Variants in C1orf21 observed in about 807,000 individuals in gnomAD.
C1orf21 encodes the protein uncharacterized protein C1orf21.
Under a neutral mutation model 18.7 loss-of-function variants are expected in C1orf21, and 3 were observed. That is an observed-to-expected ratio of 0.16 (90% CI 0.07 to 0.42). C1orf21 has a LOEUF of 0.42. C1orf21 is among the 10% of genes least tolerant of loss of function. The pLI is 0.99. For missense variants in C1orf21, 104 were observed against 143.6 expected, an observed-to-expected ratio of 0.72 and a Z score of 1.41; for synonymous variants, 41 against 46.4, an observed-to-expected ratio of 0.88 and a Z score of 0.47.
At chr1:184,531,984 T>A (rs1658468728) in intron 3 of C1orf21, among the ~76,000 whole-genome samples, 1 of 152,130 alleles carries the variant, frequency 6.6e-6, no homozygotes, top group Non-Finnish European at 1.5e-5. Context: ...CAATTCTTAT[T>A]ATTTGTGTTG....
intron 3 of C1orf21, among the ~76,000 whole-genome samples, chr1:184,509,442 G>A (rs1458877641): frequency 6.6e-6 from 1 of 152,182 alleles, no homozygotes; most frequent in Non-Finnish European, 1.5e-5. Context: ...CAGGATCCCA[G>A]TACACTTCAA....
At chr1:184,395,708 T>G (rs181261563) in intron 1 of C1orf21, among the ~76,000 whole-genome samples, 1 of 152,268 alleles carries the variant, frequency 6.6e-6, no homozygotes, top group East Asian at 1.9e-4. Flanking sequence ...CCAGTTTCCC[T>G]GGGGCAGTCC....
chr1:184,409,635 A>G (rs955394869), intron 1 of C1orf21, among the ~76,000 whole-genome samples: 1 of 152,194 alleles, frequency 6.6e-6, no homozygotes, highest in Non-Finnish European at 1.5e-5. Context: ...GTCCTGCCTC[A>G]TTTGTAGCTC....
intron 3 of C1orf21, among the ~76,000 whole-genome samples, chr1:184,564,244 A>G (rs916307714): frequency 6.6e-6 from 1 of 152,208 alleles, no homozygotes; most frequent in Admixed American, 6.5e-5. Flanking sequence ...CCTAGACTGG[A>G]CTAGGTAGAA....
At chr1:184,521,430 G>T (rs1200280783) in intron 3 of C1orf21, among the ~76,000 whole-genome samples, 2 of 151,970 alleles carry the variant, frequency 1.3e-5, no homozygotes, top group Non-Finnish European at 2.9e-5. Flanking sequence ...CCAGACAATG[G>T]AATATTACTT....
intron 1 of C1orf21, among the ~76,000 whole-genome samples, chr1:184,424,864 A>C (rs1183332903): frequency 6.6e-6 from 1 of 152,170 alleles, no homozygotes; most frequent in Non-Finnish European, 1.5e-5. Flanking sequence ...CTCCAACTGT[A>C]GTGAAGATAC....
At chr1:184,607,710 T>C (rs1200808956) in intron 5 of C1orf21, among the ~76,000 whole-genome samples, 2 of 149,446 alleles carry the variant, frequency 1.3e-5, no homozygotes, top group Non-Finnish European at 3.0e-5. Flanking sequence ...TATATACACA[T>C]ATATGTGTGT....
intron 1 of C1orf21, among the ~76,000 whole-genome samples, chr1:184,425,828 T>C (rs555159338): frequency 1.3e-5 from 2 of 152,386 alleles, no homozygotes; most frequent in South Asian, 2.1e-4. Flanking sequence ...AGCACTGATA[T>C]AGACCTTATC....
Position 184,556,599 on chromosome 1 carries a change from A to G in C1orf21, c.190-34140A>G, listed in dbSNP as rs541996252. On this transcript the variant is annotated intron_variant, in intron 3 of 5. Transcript: ENST00000235307. ...TATTTTTTCAGATTTATGTGGTCAAATAATGATTTTAAATAGAAAATCTTA... is the reference window on the plus strand; with the variant it reads ...TATTTTTTCAGATTTATGTGGTCAAGTAATGATTTTAAATAGAAAATCTTA... Among the ~76,000 whole-genome samples the G allele has an allele frequency of 2.4e-3, 361 of 152,358 alleles. 1 individual carries two copies. The highest frequency in any genetic ancestry group is 6.8e-3 in the Middle Eastern group (2 of 294).
chr1:184,466,240 T>C (rs953802301), intron 1 of C1orf21, among the ~76,000 whole-genome samples: 18 of 152,242 alleles, frequency 1.2e-4, no homozygotes, highest in African/African-American at 4.1e-4. Context: ...AAGAGCATCT[T>C]GCCCTCACTT....
At chr1:184,535,743 C>T (rs149615884) in intron 3 of C1orf21, among the ~76,000 whole-genome samples, 13 of 152,262 alleles carry the variant, frequency 8.5e-5, no homozygotes, top group African/African-American at 3.1e-4. Context: ...GTTCCCATCA[C>T]GTTTGAAGGC....
At chr1:184,615,022 C>T (rs542285240) in intron 5 of C1orf21, among the ~76,000 whole-genome samples, 2 of 152,312 alleles carry the variant, frequency 1.3e-5, no homozygotes, top group Admixed American at 1.3e-4. Flanking sequence ...GTACGTTAGG[C>T]ACATTGGAGG....
chr1:184,616,095 G>A (rs1023914935), intron 5 of C1orf21, among the ~76,000 whole-genome samples: 1 of 152,104 alleles, frequency 6.6e-6, no homozygotes, highest in East Asian at 1.9e-4. Flanking sequence ...CAAGGTAATC[G>A]CCTCTGGTAA....
At chr1:184,405,733 C>G (rs1478533531) in intron 1 of C1orf21, among the ~76,000 whole-genome samples, 1 of 152,154 alleles carries the variant, frequency 6.6e-6, no homozygotes, top group Non-Finnish European at 1.5e-5. Flanking sequence ...TCTGTCTATT[C>G]CTCTTTAGAT....
intron 5 of C1orf21, among the ~76,000 whole-genome samples, chr1:184,601,650 C>T (rs1436989583): frequency 6.6e-6 from 1 of 152,148 alleles, no homozygotes; most frequent in Non-Finnish European, 1.5e-5. Context: ...CACCTGTAAT[C>T]CCAGCACTTT....
chr1:184,513,779 AAATT>A (rs1313631403), intron 3 of C1orf21, among the ~76,000 whole-genome samples: 57 of 152,356 alleles, frequency 3.7e-4, no homozygotes, highest in Non-Finnish European at 8.1e-4. Context: ...GTTTCAGTGA[AAATT>A]AAGCCAAATG....
At chr1:184,454,179 A>G (rs953547212) in intron 1 of C1orf21, among the ~76,000 whole-genome samples, 2 of 152,238 alleles carry the variant, frequency 1.3e-5, no homozygotes, top group African/African-American at 4.8e-5. Flanking sequence ...AAAGGAAAGG[A>G]TAGCAATATT....
At chr1:184,389,335 A>G (rs1488609807) in intron 1 of C1orf21, among the ~76,000 whole-genome samples, 29 of 152,200 alleles carry the variant, frequency 1.9e-4, no homozygotes, top group Non-Finnish European at 5.9e-5. Context: ...GAGAGGTCTC[A>G]CATCCTCCAG....
intron 3 of C1orf21, among the ~76,000 whole-genome samples, chr1:184,554,655 GT>G: frequency 6.6e-6 from 1 of 152,236 alleles, no homozygotes; most frequent in African/African-American, 2.4e-5. Flanking sequence ...CATTCATTCA[GT>G]GAATAAAACA....
Sources: allele counts gnomAD v4.1 joint callset (sites outside exome capture counted in the v4.1 genomes callset), GRCh38; gene constraint gnomAD v4.1.1; transcripts MANE v1.5; gene names NCBI Gene and HGNC (gene_info 2026-07-23, HGNC 2026-07-21).